The following MAP3K13 variants were observed in gnomAD, a reference collection of about 807,000 sequenced individuals.
MAP3K13 encodes leucine zipper-bearing kinase.
In MAP3K13, 52 loss-of-function variants were observed where a neutral mutation model predicts 104.0. The ratio of observed to expected loss-of-function variants is 0.50; its 90% CI spans 0.40 to 0.63. The LOEUF (loss-of-function observed/expected upper bound fraction) is 0.63. Ranked by LOEUF, MAP3K13 falls within the 20% of genes least tolerant of loss-of-function variation. MAP3K13 has a pLI of 0.00. For synonymous variants in MAP3K13, 394 were observed against 442.2 expected (o/e 0.89, Z 1.37); for missense variants, 914 against 1,218.5 (o/e 0.75, Z 3.72).
intron 7 of MAP3K13, among the ~76,000 whole-genome samples, chr3:185,458,283 G>A (rs1373160536): frequency 3.3e-5 from 5 of 150,410 alleles, no homozygotes; most frequent in East Asian, 3.9e-4. Flanking sequence ...CACAAGAATC[G>A]CTTGAACCCA....
intron 2 of MAP3K13, among the ~76,000 whole-genome samples, chr3:185,332,586 A>C (rs1187066841): frequency 1.3e-5 from 2 of 152,028 alleles, no homozygotes; most frequent in African/African-American, 4.8e-5. Context: ...CTACCATTCT[A>C]CTTTCTGTTT....
intron 4 of MAP3K13, among the ~76,000 whole-genome samples, chr3:185,445,050 C>T (rs140579460): frequency 5.1e-5 from 7 of 137,000 alleles, no homozygotes; most frequent in African/African-American, 1.8e-4. Flanking sequence ...TATATATTTG[C>T]ATAGTGTTTT....
chr3:185,464,162 C>A (rs2148915438), intron 8 of MAP3K13, among the ~76,000 whole-genome samples: 1 of 152,218 alleles, frequency 6.6e-6, no homozygotes, highest in Admixed American at 6.5e-5. Flanking sequence ...GCGCACGATG[C>A]CTGTGATCCC....
At chr3:185,455,415 A>AT in intron 7 of MAP3K13, among the ~76,000 whole-genome samples, 1 of 57,552 alleles carries the variant, frequency 1.7e-5, no homozygotes, top group African/African-American at 5.2e-5. Context: ...TATATATGAG[A>AT]TATATATGAT....
chr3:185,307,902 ACTTC>A (rs1337499110), intron 2 of MAP3K13, among the ~76,000 whole-genome samples: 2 of 149,774 alleles, frequency 1.3e-5, no homozygotes, highest in Non-Finnish European at 1.5e-5. Flanking sequence ...CATTTTCCTG[ACTTC>A]CTTTATTTGT....
At chr3:185,291,661 T>G (rs759604674) in intron 2 of MAP3K13, 9 of 1,532,550 alleles carry the variant, frequency 5.9e-6, no homozygotes, top group Non-Finnish European at 7.9e-6. Context: ...CATTATGCAT[T>G]CAAGATTTGA....
intron 2 of MAP3K13, among the ~76,000 whole-genome samples, chr3:185,294,091 A>G (rs1332117104): frequency 1.3e-5 from 2 of 152,170 alleles, no homozygotes; most frequent in Non-Finnish European, 2.9e-5. Context: ...AAGTAGAGAG[A>G]GGCTATCGAG....
intron 2 of MAP3K13, among the ~76,000 whole-genome samples, chr3:185,306,054 A>G (rs1289484598): frequency 6.6e-6 from 1 of 152,178 alleles, no homozygotes; most frequent in Non-Finnish European, 1.5e-5. Context: ...TCCTTGTGTT[A>G]ATTCTCTTAG....
chr3:185,361,260 C>T (rs576621773), upstream of MAP3K13, among the ~76,000 whole-genome samples: 5 of 151,420 alleles, frequency 3.3e-5, no homozygotes, highest in Non-Finnish European at 7.4e-5. Context: ...TTGCCTCTTT[C>T]CATTAGTTAG....
intron 1 of MAP3K13, among the ~76,000 whole-genome samples, chr3:185,421,912 T>C (rs1350809042): frequency 1.3e-5 from 2 of 152,226 alleles, no homozygotes; most frequent in Non-Finnish European, 2.9e-5. Flanking sequence ...AATATAGCCA[T>C]GGTGATGATT....
chr3:185,323,612 C>T (rs1189762832), intron 2 of MAP3K13, among the ~76,000 whole-genome samples: 2 of 152,068 alleles, frequency 1.3e-5, no homozygotes, highest in Admixed American at 6.5e-5. Context: ...GGATTCCAGG[C>T]GTGAGCCACC....
chr3:185,402,898 C>G (rs531138484), intron 1 of MAP3K13, among the ~76,000 whole-genome samples: 43 of 152,290 alleles, frequency 2.8e-4, no homozygotes, highest in African/African-American at 9.4e-4. Flanking sequence ...TCAATTCCCC[C>G]CTGGCTGAAC....
chr3:185,372,025 C>G (rs529317489), intron 1 of MAP3K13, among the ~76,000 whole-genome samples: 1 of 152,264 alleles, frequency 6.6e-6, no homozygotes, highest in African/African-American at 2.4e-5. Context: ...TTGCTTTTTC[C>G]AGGGAAAATA....
rs573705156 is a variant in MAP3K13 at position 185,371,649 on chromosome 3, G to A, written c.-86+8281G>A. Among the ~76,000 whole-genome samples, 120 of 152,280 alleles carry A rather than the reference G, an allele frequency of 7.9e-4. 1 individual carries two copies. The highest frequency in any genetic ancestry group is 2.8e-3 in the African/African-American group (117 of 41,552). On this transcript the variant is annotated intron_variant, in intron 1 of 13. Transcript: ENST00000265026. The stretch of plus-strand genomic sequence containing the variant: ...CAAGGTTAAGGTAGCCAAAGATGAA[G>A]GACTGGAGAAAGATGACAGAAAAAA...
chr3:185,337,852 G>GT (rs1262830793), intron 2 of MAP3K13, among the ~76,000 whole-genome samples: 3 of 151,964 alleles, frequency 2.0e-5, no homozygotes, highest in African/African-American at 4.8e-5. Flanking sequence ...TAGCTCCCAA[G>GT]TATCTAGGAA....
rs536095612 is a variant in MAP3K13 at position 185,400,200 on chromosome 3, A to T, written c.-85-28297A>T. 3.9e-5 allele frequency among the ~76,000 whole-genome samples: 6 copies of T among 152,092 alleles called. 1 individual carries two copies. In the South Asian group the frequency reaches 1.2e-3, roughly 32 times the overall value. ...TCATCACCTCTCACCAGCCCTGCTG[A>T]TGTTTGTGCGTCTCCCCAAACAACC... On this transcript the variant is annotated intron_variant, in intron 1 of 13. Coordinates refer to ENST00000265026, the MANE Select transcript of MAP3K13 (RefSeq NM_004721.5).
intron 7 of MAP3K13, among the ~76,000 whole-genome samples, chr3:185,454,667 TATGAG>T (rs1446834928): frequency 2.8e-5 from 3 of 105,684 alleles, no homozygotes; most frequent in Non-Finnish European, 5.3e-5. Context: ...ATATGATATA[TATGAG>T]ATATTTATAT....
intron 1 of MAP3K13, among the ~76,000 whole-genome samples, chr3:185,409,502 G>C (rs574940481): frequency 1.8e-4 from 27 of 152,184 alleles, no homozygotes; most frequent in Non-Finnish European, 3.2e-4. Context: ...TGGCAAGGAT[G>C]CATAGAAAAT....
intron 12 of MAP3K13, among the ~76,000 whole-genome samples, chr3:185,479,552 G>A (rs1348507121): frequency 6.6e-6 from 1 of 152,098 alleles, no homozygotes; most frequent in East Asian, 1.9e-4. Flanking sequence ...TGTACATAAC[G>A]TGATTAGACA....
Sources: allele counts gnomAD v4.1 joint callset (sites outside exome capture counted in the v4.1 genomes callset), GRCh38; gene constraint gnomAD v4.1.1; transcripts MANE v1.5; gene names NCBI Gene and HGNC (gene_info 2026-07-23, HGNC 2026-07-21).